Variants in CLTCL1 observed in about 807,000 individuals in gnomAD.
CLTCL1 encodes the protein clathrin heavy chain 2.
In CLTCL1, 159 loss-of-function variants were observed where a neutral mutation model predicts 190.0. The ratio of observed to expected loss-of-function variants is 0.84; its 90% CI spans 0.74 to 0.95. The LOEUF (loss-of-function observed/expected upper bound fraction) is 0.95. Among genes scored for constraint, CLTCL1 ranks in the 40% least tolerant of loss-of-function variants. The probability of loss-of-function intolerance (pLI) is 0.00; values close to 1 mark genes in which losing one functional copy is unlikely to be tolerated. For missense variants in CLTCL1, 1,878 were observed against 2,033.4 expected (o/e 0.92, Z 1.47); for synonymous variants, 752 against 769.6 (o/e 0.98, Z 0.38).
rs2085479780 is a variant in CLTCL1, at chr22:19,219,025, C to T, written c.2919+860G>A. 1.3e-5 allele frequency among the ~76,000 whole-genome samples: 2 copies of T among 152,142 alleles called. 1 individual carries two copies. The highest frequency in any genetic ancestry group is 4.1e-4 in the South Asian group (2 of 4,824). On this transcript the variant is annotated intron_variant, in intron 18 of 32. Coordinates refer to ENST00000427926, the MANE Select transcript of CLTCL1 (RefSeq NM_007098.4). ...GTACTCTCTTCCTGGGCTGCATATC[C>T]CTGCTTTGGATCCAAGGGCCAACTC...
intron 1 of CLTCL1, among the ~76,000 whole-genome samples, chr22:19,283,308 T>C (rs1349825934): frequency 3.3e-5 from 5 of 151,920 alleles, no homozygotes; most frequent in Admixed American, 6.6e-5. Context: ...TGAGACAGAG[T>C]CTTGCTCTGT....
At chr22:19,187,939 A>G (rs1555929238) in intron 28 of CLTCL1, 42 bp downstream of exon 28, 5 of 1,568,598 alleles carry the variant, frequency 3.2e-6, no homozygotes, top group Non-Finnish European at 1.8e-6. Context: ...GCAGGGGAGG[A>G]GCCCAGCCCA....
intron 2 of CLTCL1, among the ~76,000 whole-genome samples, chr22:19,273,607 A>G (rs2146277096): frequency 6.6e-6 from 1 of 152,154 alleles, no homozygotes; most frequent in South Asian, 2.1e-4. Flanking sequence ...GCAACTCACA[A>G]AATACCAACA....
chr22:19,251,708 G>A (rs1157534157), intron 3 of CLTCL1, among the ~76,000 whole-genome samples: 1 of 151,914 alleles, frequency 6.6e-6, no homozygotes, highest in African/African-American at 2.4e-5. Context: ...CGCCCGCCTT[G>A]GCCTCCCAAA....
At chr22:19,249,935 G>A (rs782361583) in intron 3 of CLTCL1, 19 of 435,388 alleles carry the variant, frequency 4.4e-5, no homozygotes, top group Non-Finnish European at 5.5e-5. Flanking sequence ...AAGGTTTTTC[G>A]TGGCATATTA....
chr22:19,235,834 T>C lies in CLTCL1; in HGVS notation c.831A>G (p.Thr277=), dbSNP rs181970026. 8.7e-6 allele frequency: 14 copies of C among 1,613,964 alleles called. No individual in the cohort carries two copies. The East Asian group carries it at 3.1e-4, about 36-fold the overall frequency. Residue 277 remains threonine (T), a synonymous_variant, in exon 6 of 33, where the codon ACA becomes ACG. Coordinates refer to ENST00000427926, the MANE Select transcript of CLTCL1 (RefSeq NM_007098.4). ...GAKHGVIYLI[T]KYGYLHLYDL... ...CGTACAGATGAAGATAGCCATACTT[T>C]GTGATCAAGTAAATAACACCATGTT...
intron 24 of CLTCL1, among the ~76,000 whole-genome samples, chr22:19,197,861 G>C (rs1265699108): frequency 6.6e-6 from 1 of 152,148 alleles, no homozygotes; most frequent in Non-Finnish European, 1.5e-5. Context: ...CTGTTGGGCA[G>C]TCTGGTCTTT....
intron 2 of CLTCL1, among the ~76,000 whole-genome samples, chr22:19,267,664 C>T (rs1351836176): frequency 3.3e-5 from 5 of 152,118 alleles, no homozygotes; most frequent in Non-Finnish European, 7.4e-5. Context: ...GAGGCTGAGG[C>T]AGGTGGATTA....
In CLTCL1 at chr22:19,198,445, C is replaced by T. The variant is rs1322523627; in HGVS notation, c.3873+1289G>A. On this transcript the variant is annotated intron_variant, in intron 24 of 32. Transcript: ENST00000427926. The surrounding 1 kb of genome is among the most constrained non-coding windows in gnomAD (Gnocchi z 4.1). ...AGCCCTGCACCCATCCCAAGTACAG[C>T]CCGTGACCTTCCTAACGGCCTGAGA... is the stretch of plus-strand genomic sequence containing the variant. Among the ~76,000 whole-genome samples, 1 of 152,198 alleles carries T rather than the reference C, an allele frequency of 6.6e-6. No homozygotes were observed. Among genetic ancestry groups the T allele is most frequent in the African/African-American group, 2.4e-5 (1 of 41,452 alleles).
Position 19,221,486 on chromosome 22 carries a change from T to C in CLTCL1, c.2687A>G (p.Glu896Gly), listed in dbSNP as rs1555952284. 1 of 1,597,330 alleles carries C rather than the reference T, an allele frequency of 6.3e-7. No homozygotes were observed. Among genetic ancestry groups the C allele is most frequent in the Admixed American group, 1.7e-5 (1 of 57,286 alleles). Reference sequence around the variant, plus strand: ...CACGCTGCTGTCATAGTAGGCATTCTCTCTCAGGAAGCACTCGGGGCTGTT... The same window carrying C: ...CACGCTGCTGTCATAGTAGGCATTCCCTCTCAGGAAGCACTCGGGGCTGTT... ...SNNSPECFLRENAYYDSSVVG... is the reference protein window; with the variant it reads ...SNNSPECFLRGNAYYDSSVVG... The change falls in exon 17 of 33, where the codon GAG becomes GGG. Residue 896 changes from glutamate to glycine, a missense_variant. By Grantham distance (98) the Glu-to-Gly change is moderately conservative. Transcript: ENST00000427926.
chr22:19,206,895 T>C (rs2085066665), intron 22 of CLTCL1, among the ~76,000 whole-genome samples: 2 of 152,096 alleles, frequency 1.3e-5, no homozygotes, highest in Admixed American at 1.3e-4. Flanking sequence ...CCACAATTAT[T>C]TAGATCTTTT....
intron 23 of CLTCL1, among the ~76,000 whole-genome samples, chr22:19,200,042 G>C (rs975021566): frequency 6.6e-6 from 1 of 152,200 alleles, no homozygotes; most frequent in African/African-American, 2.4e-5. Flanking sequence ...GCAGGCCAAG[G>C]GGGTGCTTGA....
intron 3 of CLTCL1, among the ~76,000 whole-genome samples, chr22:19,248,134 T>C (rs550014984): frequency 2.8e-4 from 42 of 151,914 alleles, no homozygotes; most frequent in African/African-American, 9.6e-4. Context: ...CCATCACTAC[T>C]AAAAATACAA....
chr22:19,219,157 T>TTTTTTTTATTTA (rs1555951019), intron 18 of CLTCL1, among the ~76,000 whole-genome samples: 16 of 148,854 alleles, frequency 1.1e-4, no homozygotes, highest in African/African-American at 3.5e-4. Context: ...GACTAAGATG[T>TTTTTTTTATTTA]TTTATTTATT....
chr22:19,208,260 C>T lies in CLTCL1; in HGVS notation c.3494G>A (p.Arg1165His), dbSNP rs372594770. The change falls in exon 22 of 33, where the codon CGT becomes CAT. Residue 1165 changes from arginine (R) to histidine (H), a missense_variant. Arg to His is a conservative substitution (Grantham distance 29). Transcript: ENST00000427926. ...AAGTTCAGTCTCTATATAGGACTCACGGCCCTTTTTCCTGGCCATCTGCAG... is the reference window on the plus strand; with the variant it reads ...AAGTTCAGTCTCTATATAGGACTCATGGCCCTTTTTCCTGGCCATCTGCAG... ...KFLQMARKKG[R>H]ESYIETELIF... 285 of 1,613,682 alleles carry T rather than the reference C, an allele frequency of 1.8e-4. No individual in the cohort carries two copies. Among genetic ancestry groups the T allele is most frequent in the Non-Finnish European group, 2.3e-4 (269 of 1,179,886 alleles).
chr22:19,290,286 G>T (rs8143071), intron 1 of CLTCL1, among the ~76,000 whole-genome samples: 19,732 of 152,128 alleles, frequency 0.13, 2,102 homozygotes, highest in African/African-American at 0.28. Flanking sequence ...GAAGGAATTA[G>T]AATATTAACC....
rs781923800 is a variant in CLTCL1, at chr22:19,221,526, A to C, written c.2647T>G (p.Tyr883Asp). The change falls in exon 17 of 33, where the codon TAC (tyrosine) becomes GAC (aspartate). Residue 883 changes from tyrosine (Y) to aspartate (D), a missense_variant. Tyr to Asp is a radical substitution (Grantham distance 160, BLOSUM62 -3). Transcript: ENST00000427926. Reference protein sequence around the residue: ...PATHNALAKIYIDSNNSPECF... With the variant: ...PATHNALAKIDIDSNNSPECF... ...TCGGGGCTGTTGTTGCTGTCGATGT[A>C]GATTTTAGCCAGTGCATTGTGAGTG... The C allele has an allele frequency of 4.4e-6, 7 of 1,605,770 alleles. No individual in the cohort carries two copies. The highest frequency in any genetic ancestry group is 6.0e-6 in the Non-Finnish European group (7 of 1,176,068).
Position 19,222,696 on chromosome 22 carries a change from G to A in CLTCL1, c.2406C>T (p.Ile802=), listed in dbSNP as rs2145777770. 6.3e-7 allele frequency: 1 copy of A among 1,591,544 alleles called. No individual in the cohort carries two copies. Among genetic ancestry groups the A allele is most frequent in the East Asian group, 2.3e-5 (1 of 44,004 alleles). The stretch of plus-strand genomic sequence containing the variant: ...GAGCCAGCAGTACCTTCTGCACGTA[G>A]ATCTCAATGTACCTCTGCAGGTTGT... The part of the protein sequence containing the change: ...YRNNLQRYIE[I]YVQKVNPSRT... The change falls in exon 15 of 33, where the codon ATC becomes ATT. Residue 802 remains isoleucine, a synonymous_variant. Transcript: ENST00000427926.
At chr22:19,201,769 C>T (rs1345015438) in intron 22 of CLTCL1, among the ~76,000 whole-genome samples, 2 of 152,108 alleles carry the variant, frequency 1.3e-5, no homozygotes, top group Non-Finnish European at 2.9e-5. Context: ...ATCTGCACCC[C>T]ACTGGGCCTG....
Sources: allele counts gnomAD v4.1 joint callset (sites outside exome capture counted in the v4.1 genomes callset), GRCh38; gene constraint gnomAD v4.1.1; non-coding constraint Gnocchi (gnomAD v3.1); transcripts MANE v1.5; gene names NCBI Gene and HGNC (gene_info 2026-07-23, HGNC 2026-07-21).